The following FBF1 variants were observed in gnomAD, a reference collection of about 807,000 sequenced individuals.
FBF1 encodes the protein Fas binding factor 1, also known as fas-binding factor 1.
In FBF1, 119 loss-of-function variants were observed where a neutral mutation model predicts 147.2. The observed-to-expected ratio is 0.81, with a 90% CI of 0.70 to 0.94. The LOEUF (loss-of-function observed/expected upper bound fraction) is 0.94, where lower values mean the gene tolerates loss of function less well. Among genes scored for constraint, FBF1 ranks in the 40% least tolerant of loss-of-function variants. The pLI is 0.00. For synonymous variants in FBF1, 601 were observed against 609.0 expected (o/e 0.99, Z 0.19); for missense variants, 1,449 against 1,500.8 (o/e 0.97, Z 0.57).
In FBF1 at chr17:75,920,382, T is replaced by G. The variant is rs757714813; in HGVS notation, c.1722A>C (p.Glu574Asp). 2 of 1,606,472 alleles carry G rather than the reference T, an allele frequency of 1.2e-6. No individual in the cohort carries two copies. Among genetic ancestry groups the G allele is most frequent in the Admixed American group, 3.4e-5 (2 of 58,876 alleles). ...SLARSLLPST[E>D]YQKQLLAAQV... ...GTGCTGCCAGGAGCTGCTTCTGGTA[T>G]TCTGTGCTCGGCAGCAGGCTCCGGG... Residue 574 changes from glutamate (E) to aspartate (D), a missense_variant, in exon 18 of 30, where the codon GAA becomes GAC. Glu to Asp is a conservative substitution (Grantham distance 45). Transcript: ENST00000636174.
intron 23 of FBF1, among the ~76,000 whole-genome samples, chr17:75,917,045 C>T (rs920402332): frequency 6.6e-6 from 1 of 152,112 alleles, no homozygotes; most frequent in African/African-American, 2.4e-5. Context: ...TTTAGTTTCA[C>T]CATGTTGGCC....
At chr17:75,935,775 T>A (rs1001616505) in intron 3 of FBF1, 102 bp from the exon 4 acceptor site, 5 of 1,102,566 alleles carry the variant, frequency 4.5e-6, no homozygotes. Flanking sequence ...ACCTTTCAGA[T>A]GTTGGGACTT....
chr17:75,910,533 C>A lies in FBF1; in HGVS notation c.*190G>T. 1.7e-6 allele frequency: 1 copy of A among 587,184 alleles called. No individual in the cohort carries two copies. Among genetic ancestry groups the A allele is most frequent in the Non-Finnish European group, 3.0e-6 (1 of 330,814 alleles). 36.4% of individuals were successfully genotyped at this position (587,184 alleles called of 1,614,324 possible). ...GTAAGATAGCCTACACCACAGAGCC[C>A]CAGAGGCAGGGGCTGCCCCGGGCTG... On this transcript the variant is annotated 3_prime_UTR_variant, in exon 30 of 30. Coordinates refer to ENST00000636174, the MANE Select transcript of FBF1 (RefSeq NM_001319193.2). The surrounding 1 kb of genome is among the most constrained non-coding windows in gnomAD (Gnocchi z 4.1).
chr17:75,932,898 A>AAAT, intron 5 of FBF1, 97 bp downstream of exon 5: 1 of 764,056 alleles, frequency 1.3e-6, no homozygotes, highest in Non-Finnish European at 2.0e-6. Flanking sequence ...AAAAAAAAAA[A>AAAT]TGGCGAGCAA....
At chr17:75,927,095 G>A (rs1463729297) in intron 9 of FBF1, among the ~76,000 whole-genome samples, 10 of 152,192 alleles carry the variant, frequency 6.6e-5, no homozygotes, top group Non-Finnish European at 1.3e-4. Flanking sequence ...CTGGACCTAC[G>A]GGGCCTGCCT....
rs1232384414 is a variant in FBF1 at position 75,925,823 on chromosome 17, C to G, written c.868+207G>C. Among the ~76,000 whole-genome samples the G allele has an allele frequency of 1.3e-5, 2 of 152,222 alleles. No homozygotes were observed. Among genetic ancestry groups the G allele is most frequent in the Admixed American group, 6.5e-5 (1 of 15,282 alleles). ...ACAGCCAGTGTGTTTCCAAATCAAA[C>G]AGCATCTCAATCATAGACAACTGAG... is the stretch of plus-strand genomic sequence containing the variant. On this transcript the variant is annotated intron_variant, in intron 12 of 29. Transcript: ENST00000636174. This position sits in a 1 kb window ranked among gnomAD's most constrained non-coding sequence, Gnocchi z 5.0.
At chr17:75,921,879 C>T (rs1567860435) in intron 15 of FBF1, 66 bp downstream of exon 15, 15 of 1,382,580 alleles carry the variant, frequency 1.1e-5, no homozygotes, top group Non-Finnish European at 9.9e-6. Context: ...GTGTCCCTCT[C>T]TCAGGACAGA....
chr17:75,935,417 T>A (rs1212435894), intron 4 of FBF1, among the ~76,000 whole-genome samples: 2 of 152,116 alleles, frequency 1.3e-5, no homozygotes, highest in Non-Finnish European at 2.9e-5. Context: ...TTGGCCCTCC[T>A]CCTCCTCCCA....
At chr17:75,917,414 T>C (rs1472280971) in intron 23 of FBF1, among the ~76,000 whole-genome samples, 1 of 152,218 alleles carries the variant, frequency 6.6e-6, no homozygotes, top group Non-Finnish European at 1.5e-5. Context: ...TGTGACAGAT[T>C]CGAGTGTCAG....
chr17:75,936,507 A>T (rs951910199), intron 3 of FBF1, among the ~76,000 whole-genome samples: 2 of 151,422 alleles, frequency 1.3e-5, no homozygotes, highest in Non-Finnish European at 2.9e-5. Flanking sequence ...CAAACAAACA[A>T]ACAAAACCAA....
At chr17:75,926,657 C>T (rs529392673) in intron 10 of FBF1, 101 bp downstream of exon 10, 149 of 1,509,376 alleles carry the variant, frequency 9.9e-5, no homozygotes, top group Admixed American at 1.6e-4. Flanking sequence ...ACCTCTGGTC[C>T]CCACCTGGGA....
intron 2 of FBF1, 42 bp from the exon 3 acceptor site, chr17:75,937,635 T>C (rs766118831): frequency 6.2e-7 from 1 of 1,611,184 alleles, no homozygotes; most frequent in Non-Finnish European, 8.5e-7. Flanking sequence ...AACCAAACAG[T>C]GAACACAGGT....
At position 75,929,988 on chromosome 17, in the gene FBF1, T is replaced by C. The variant is rs762173499; in HGVS notation, c.279+9A>G. On this transcript the variant is annotated intron_variant, in intron 7 of 29. Transcript: ENST00000636174. ...CCAGTTCTAAGAATCGTGCAAGCTG[T>C]TTCCTTACCTTCATGGCCTGGAGCA... 3.4e-6 allele frequency: 4 copies of C among 1,182,780 alleles called. No homozygotes were observed. The South Asian group carries it at 5.1e-5, about 15-fold the overall frequency. 73.3% of individuals were successfully genotyped at this position (1,182,780 alleles called of 1,614,324 possible).
At chr17:75,935,309 C>T (rs1262271275) in intron 4 of FBF1, among the ~76,000 whole-genome samples, 1 of 151,772 alleles carries the variant, frequency 6.6e-6, no homozygotes, top group East Asian at 1.9e-4. Context: ...GGATTACAGG[C>T]GCCCGCCACT....
chr17:75,909,924 T>C lies in FBF1; in HGVS notation c.*799A>G, dbSNP rs1428482029. 14 of 700,490 alleles carry C rather than the reference T, an allele frequency of 2.0e-5. No individual in the cohort carries two copies. Among genetic ancestry groups the C allele is most frequent in the African/African-American group, 1.7e-4 (10 of 57,236 alleles). The allele number at this position is 700,490 out of a possible 1,614,324, so 43.4% of individuals were successfully genotyped here. On this transcript the variant is annotated 3_prime_UTR_variant, in exon 30 of 30. Coordinates refer to ENST00000636174, the MANE Select transcript of FBF1 (RefSeq NM_001319193.2). ...AGGAGGATCAGAGAAACCTCTGTAG[T>C]TGTGATTGGTTCCTTGTCGCCTCCA...
chr17:75,918,313 C>T lies in FBF1; in HGVS notation c.2139-44G>A. ...GGAAGGCGGTCACTCTGAGCTGGAT[C>T]ACCCTGATGCGGTAACTCCTTGTGG... On this transcript the variant is annotated intron_variant, in intron 20 of 29. Transcript: ENST00000636174. This position sits in a 1 kb window ranked among gnomAD's most constrained non-coding sequence, Gnocchi z 5.8. 2 of 1,518,294 alleles carry T rather than the reference C, an allele frequency of 1.3e-6. No homozygotes were observed. Among genetic ancestry groups the T allele is most frequent in the Non-Finnish European group, 1.8e-6 (2 of 1,103,992 alleles). The allele number at this position is 1,518,294 out of a possible 1,614,324, so 94.1% of individuals were successfully genotyped here.
At chr17:75,938,005 A>C (rs1598163722) in intron 2 of FBF1, 142 bp downstream of exon 2, 2 of 1,277,618 alleles carry the variant, frequency 1.6e-6, no homozygotes, top group Non-Finnish European at 2.2e-6. Context: ...TATCAATGCC[A>C]CCTCCTGTCA....
chr17:75,926,111 T>C lies in FBF1; in HGVS notation c.787A>G (p.Met263Val), dbSNP rs569308763. 1.9e-6 allele frequency: 3 copies of C among 1,611,622 alleles called. No individual in the cohort carries two copies. Among genetic ancestry groups the C allele is most frequent in the Admixed American group, 3.3e-5 (2 of 59,718 alleles). The change falls in exon 12 of 30, where the codon ATG becomes GTG. Residue 263 changes from methionine (M) to valine (V), a missense_variant. Physicochemically the swap from Met to Val is conservative, Grantham distance 21 (BLOSUM62 1). Coordinates refer to ENST00000636174, the MANE Select transcript of FBF1 (RefSeq NM_001319193.2). The stretch of plus-strand genomic sequence containing the variant: ...GGGCGGGCCAGGAGTTTGGTGGCCA[T>C]GCCTCGACCCAGCAGCTCATCCAGC... ...STLDELLGRG[M>V]ATKLLARPGT...
intron 8 of FBF1, 121 bp downstream of exon 8, chr17:75,927,955 T>C (rs2065572207): frequency 9.3e-6 from 7 of 751,446 alleles, no homozygotes; most frequent in East Asian, 2.7e-5. Context: ...CTCTCCATCC[T>C]GTGCAGAGAA....
Sources: allele counts gnomAD v4.1 joint callset (sites outside exome capture counted in the v4.1 genomes callset), GRCh38; gene constraint gnomAD v4.1.1; non-coding constraint Gnocchi (gnomAD v3.1); transcripts MANE v1.5; gene names NCBI Gene and HGNC (gene_info 2026-07-23, HGNC 2026-07-21).